CLIC4: variants seen among roughly 807,000 people sequenced by gnomAD.
CLIC4 encodes chloride intracellular channel protein 4.
A neutral mutation model predicts 24.6 loss-of-function variants in CLIC4; 13 were observed. That is an observed-to-expected ratio of 0.53 (90% CI 0.34 to 0.84). The LOEUF (loss-of-function observed/expected upper bound fraction) is 0.84, where lower values mean the gene tolerates loss of function less well. Among genes scored for constraint, CLIC4 ranks in the 40% least tolerant of loss-of-function variants. The pLI is 0.01. For synonymous variants in CLIC4, 104 were observed against 111.3 expected, an observed-to-expected ratio of 0.93 and a Z score of 0.41; for missense variants, 227 against 301.7, an observed-to-expected ratio of 0.75 and a Z score of 1.83.
At chr1:24,778,658 A>G (rs1639170526) in intron 1 of CLIC4, among the ~76,000 whole-genome samples, 1 of 152,212 alleles carries the variant, frequency 6.6e-6, no homozygotes, top group Non-Finnish European at 1.5e-5. Flanking sequence ...CCGGACAGTC[A>G]ATATTTTAAA....
At chr1:24,818,946 T>A (rs545492017) in intron 3 of CLIC4, among the ~76,000 whole-genome samples, 1 of 151,896 alleles carries the variant, frequency 6.6e-6, no homozygotes, top group African/African-American at 2.4e-5. Context: ...TAGTATGTAA[T>A]GTATATTATT....
At chr1:24,761,728 AT>A (rs749535606) in intron 1 of CLIC4, among the ~76,000 whole-genome samples, 35 of 152,150 alleles carry the variant, frequency 2.3e-4, no homozygotes, top group Non-Finnish European at 4.6e-4. Context: ...AAGGACAACT[AT>A]TTGGAGGCCA....
At chr1:24,745,746 G>A in intron 1 of CLIC4, 121 bp downstream of exon 1, 1 of 695,100 alleles carries the variant, frequency 1.4e-6, no homozygotes, top group Non-Finnish European at 2.1e-6. Context: ...GTCCCGCTGC[G>A]GGCACCCGCG....
At chr1:24,826,989 C>A in intron 3 of CLIC4, 21 bp from the exon 4 acceptor site, 1 of 1,502,480 alleles carries the variant, frequency 6.7e-7, no homozygotes, top group South Asian at 1.2e-5. Context: ...ATCTATAATC[C>A]ATATCACTTT....
intron 3 of CLIC4, among the ~76,000 whole-genome samples, chr1:24,816,781 A>G (rs940413566): frequency 3.3e-5 from 5 of 152,196 alleles, no homozygotes; most frequent in East Asian, 1.9e-4. Context: ...TGCATTGTCA[A>G]TGAGCAGTAA....
At chr1:24,813,714 C>T (rs950273846) in intron 2 of CLIC4, among the ~76,000 whole-genome samples, 13 of 151,676 alleles carry the variant, frequency 8.6e-5, no homozygotes, top group Admixed American at 5.9e-4. Context: ...CCACCATGCC[C>T]GGACAATTTA....
At chr1:24,804,406 GGT>G (rs1258982625) in intron 2 of CLIC4, among the ~76,000 whole-genome samples, 1 of 134,736 alleles carries the variant, frequency 7.4e-6, no homozygotes, top group Non-Finnish European at 1.6e-5. Flanking sequence ...GGGTGGAGGG[GGT>G]GTGTGTGGGT....
At chr1:24,759,826 T>C (rs947640720) in intron 1 of CLIC4, among the ~76,000 whole-genome samples, 32 of 152,078 alleles carry the variant, frequency 2.1e-4, no homozygotes, top group African/African-American at 7.5e-4. Context: ...TGGTGGCACG[T>C]GCCTGTATTC....
At chr1:24,801,635 CTA>C (rs1358982150) in intron 2 of CLIC4, among the ~76,000 whole-genome samples, 1 of 152,320 alleles carries the variant, frequency 6.6e-6, no homozygotes, top group East Asian at 1.9e-4. Flanking sequence ...CAGAATTAAT[CTA>C]TGTTATCCCT....
At chr1:24,756,184 A>T (rs1447810981) in intron 1 of CLIC4, among the ~76,000 whole-genome samples, 1 of 152,178 alleles carries the variant, frequency 6.6e-6, no homozygotes, top group African/African-American at 2.4e-5. Context: ...TATTTCTAGT[A>T]GAGACGGGGT....
intron 2 of CLIC4, among the ~76,000 whole-genome samples, chr1:24,798,802 C>T (rs1039735315): frequency 1.3e-5 from 2 of 151,558 alleles, no homozygotes; most frequent in African/African-American, 2.4e-5. Flanking sequence ...ATTGCAGGCA[C>T]GCGCCGCCAC....
At chr1:24,820,548 G>A (rs1639719808) in intron 3 of CLIC4, among the ~76,000 whole-genome samples, 1 of 152,044 alleles carries the variant, frequency 6.6e-6, no homozygotes, top group Non-Finnish European at 1.5e-5. Context: ...ACACATGTAA[G>A]CTGTCATGAC....
At chr1:24,824,827 C>T (rs1022381989) in intron 3 of CLIC4, among the ~76,000 whole-genome samples, 3 of 151,736 alleles carry the variant, frequency 2.0e-5, no homozygotes, top group Non-Finnish European at 4.4e-5. Flanking sequence ...GGGGAAACCT[C>T]GTCTCTACAA....
At chr1:24,830,985 G>C (rs920697762) in intron 4 of CLIC4, among the ~76,000 whole-genome samples, 1 of 152,022 alleles carries the variant, frequency 6.6e-6, no homozygotes, top group African/African-American at 2.4e-5. Flanking sequence ...AGTACTTTTT[G>C]ATATTTCTGT....
chr1:24,785,003 C>CAAA (rs371409071), intron 1 of CLIC4, among the ~76,000 whole-genome samples: 9 of 122,216 alleles, frequency 7.4e-5, no homozygotes, highest in African/African-American at 2.9e-4. Context: ...GACTCTGTCT[C>CAAA]AAAAAAAAAA....
chr1:24,767,768 A>G (rs1639020053), intron 1 of CLIC4, among the ~76,000 whole-genome samples: 1 of 151,918 alleles, frequency 6.6e-6, no homozygotes, highest in African/African-American at 2.4e-5. Flanking sequence ...AAAAGTAAAG[A>G]GGAATAATCT....
intron 2 of CLIC4, among the ~76,000 whole-genome samples, chr1:24,804,238 A>G (rs532116794): frequency 1.3e-5 from 2 of 151,690 alleles, no homozygotes; most frequent in African/African-American, 4.8e-5. Context: ...GTCAGACTCC[A>G]TTTTTCCCCT....
intron 1 of CLIC4, among the ~76,000 whole-genome samples, chr1:24,778,810 T>C (rs1018313486): frequency 3.3e-5 from 5 of 152,250 alleles, no homozygotes; most frequent in Admixed American, 1.3e-4. Flanking sequence ...ATTGTACATC[T>C]GACAGTTTGT....
chr1:24,780,138 A>G lies in CLIC4; in HGVS notation c.73-17604A>G, dbSNP rs150650982. 8.5e-5 allele frequency among the ~76,000 whole-genome samples: 13 copies of G among 152,228 alleles called. No homozygotes were observed. In the South Asian group the frequency reaches 2.5e-3, roughly 29 times the overall value. On this transcript the variant is annotated intron_variant, in intron 1 of 5. Coordinates refer to ENST00000374379, the MANE Select transcript of CLIC4 (RefSeq NM_013943.3). The stretch of plus-strand genomic sequence containing the variant: ...ACCACATGCTGGACAATATTTTAAG[A>G]GCTTTTCATCTATTAACTCATTTAT...
Sources: gnomAD v4.1 joint callset for allele counts (sites outside exome capture counted in the v4.1 genomes callset) on GRCh38, gnomAD v4.1.1 for gene constraint, MANE v1.5 for transcripts, NCBI Gene and HGNC (gene_info 2026-07-23, HGNC 2026-07-21) for gene names.